Variants in CNTNAP2 observed in about 807,000 individuals in gnomAD.
CNTNAP2 encodes contactin-associated protein-like 2.
CNTNAP2 carries 98 observed loss-of-function variants against 155.2 expected under a neutral mutation model. The observed-to-expected ratio is 0.63, with a 90% confidence interval of 0.54 to 0.75. CNTNAP2 has a LOEUF of 0.75. CNTNAP2 is among the 30% of genes least tolerant of loss of function. The pLI is 0.00. For missense variants in CNTNAP2, 1,727 were observed against 1,688.1 expected (o/e 1.02, Z -0.40); for synonymous variants, 651 against 631.2 (o/e 1.03, Z -0.47).
At chr7:146,989,793 C>A (rs1332475963) in intron 3 of CNTNAP2, among the ~76,000 whole-genome samples, 1 of 152,056 alleles carries the variant, frequency 6.6e-6, no homozygotes, top group Non-Finnish European at 1.5e-5. Flanking sequence ...CGTTGGCTCT[C>A]CATTGGCAAC....
chr7:147,593,432 G>GT (rs1800776022), intron 12 of CNTNAP2, among the ~76,000 whole-genome samples: 1 of 151,872 alleles, frequency 6.6e-6, no homozygotes, highest in Non-Finnish European at 1.5e-5. Flanking sequence ...ACATGGCTCT[G>GT]TTATTAATTT....
At chr7:147,961,462 C>G (rs1222447257) in intron 14 of CNTNAP2, among the ~76,000 whole-genome samples, 1 of 152,174 alleles carries the variant, frequency 6.6e-6, no homozygotes, top group Non-Finnish European at 1.5e-5. Context: ...CTATTTCACA[C>G]CACTGAGTTA....
chr7:146,791,342 G>T (rs1269113001), intron 2 of CNTNAP2, among the ~76,000 whole-genome samples: 1 of 152,320 alleles, frequency 6.6e-6, no homozygotes, highest in Middle Eastern at 3.4e-3. Context: ...GTCTATCAGT[G>T]ATGGGCATTT....
chr7:148,333,166 C>A, intron 21 of CNTNAP2, among the ~76,000 whole-genome samples: 1 of 152,080 alleles, frequency 6.6e-6, no homozygotes, highest in African/African-American at 2.4e-5. Context: ...GGTGGCTCAC[C>A]CCCGTAATCC....
At chr7:147,745,905 A>T (rs1387784585) in intron 13 of CNTNAP2, among the ~76,000 whole-genome samples, 1 of 152,230 alleles carries the variant, frequency 6.6e-6, no homozygotes, top group African/African-American at 2.4e-5. Flanking sequence ...AGGAATCTTT[A>T]AAATCTATAG....
chr7:146,720,751 T>C (rs1355506506), intron 1 of CNTNAP2, among the ~76,000 whole-genome samples: 1 of 151,590 alleles, frequency 6.6e-6, no homozygotes, highest in Non-Finnish European at 1.5e-5. Flanking sequence ...TCTTATGATG[T>C]GTTAATAAAC....
chr7:147,157,539 C>T (rs1386108092), intron 8 of CNTNAP2, among the ~76,000 whole-genome samples: 7 of 152,136 alleles, frequency 4.6e-5, no homozygotes, highest in Non-Finnish European at 7.4e-5. Context: ...GTAGTCAAGG[C>T]TCACCTTTAT....
chr7:146,130,011 T>C (rs916518375), intron 1 of CNTNAP2, among the ~76,000 whole-genome samples: 2 of 152,182 alleles, frequency 1.3e-5, no homozygotes, highest in Admixed American at 6.6e-5. Flanking sequence ...AATTCCAACA[T>C]TGGCCAAGTT....
At chr7:146,693,124 A>G (rs191830311) in intron 1 of CNTNAP2, among the ~76,000 whole-genome samples, 1 of 152,092 alleles carries the variant, frequency 6.6e-6, no homozygotes, top group African/African-American at 2.4e-5. Context: ...GACGATACCT[A>G]CTTCAAAAGA....
intron 1 of CNTNAP2, among the ~76,000 whole-genome samples, chr7:146,152,489 C>G (rs1335668848): frequency 6.6e-6 from 1 of 151,908 alleles, no homozygotes; most frequent in African/African-American, 2.4e-5. Context: ...ATATTGCATT[C>G]TTGAAAAATG....
At chr7:147,607,269 C>CA (rs60869667) in intron 12 of CNTNAP2, among the ~76,000 whole-genome samples, 1 of 151,562 alleles carries the variant, frequency 6.6e-6, no homozygotes, top group Admixed American at 6.6e-5. Flanking sequence ...GGTCAAGAAA[C>CA]GGGACAGAAG....
chr7:147,607,779 C>T lies in CNTNAP2; in HGVS notation c.1898-31327C>T, dbSNP rs77353622. ...GAAAGAGCATAATCTCTCAGGTTAG[C>T]CTGGTACAACTTAAGTTTAAACTAA... On this transcript the variant is annotated intron_variant, in intron 12 of 23. Coordinates refer to ENST00000361727, the MANE Select transcript of CNTNAP2 (RefSeq NM_014141.6). 5.9e-3 allele frequency among the ~76,000 whole-genome samples: 897 copies of T among 152,180 alleles called. 9 individuals are homozygous for T. Among genetic ancestry groups the T allele is most frequent in the African/African-American group, 0.02 (849 of 41,502 alleles).
intron 15 of CNTNAP2, among the ~76,000 whole-genome samples, chr7:147,982,642 T>A (rs373613159): frequency 1.3e-5 from 2 of 152,224 alleles, no homozygotes; most frequent in Non-Finnish European, 2.9e-5. Flanking sequence ...TTATTTTATG[T>A]GCCAGACTAA....
chr7:148,335,708 A>C (rs1798104826), intron 21 of CNTNAP2, among the ~76,000 whole-genome samples: 1 of 152,180 alleles, frequency 6.6e-6, no homozygotes, highest in Admixed American at 6.5e-5. Context: ...CTGCCTCCTA[A>C]TACATTTCAT....
chr7:146,910,721 T>A (rs1186067891), intron 3 of CNTNAP2, among the ~76,000 whole-genome samples: 3 of 149,508 alleles, frequency 2.0e-5, no homozygotes, highest in South Asian at 4.2e-4. Context: ...AACCTAGGCA[T>A]TACCATTCAG....
At chr7:146,461,885 A>G (rs1563093170) in intron 1 of CNTNAP2, among the ~76,000 whole-genome samples, 2 of 152,244 alleles carry the variant, frequency 1.3e-5, no homozygotes. Context: ...ATGTCAATGT[A>G]AACTGTCACT....
At chr7:146,338,740 A>AT (rs1801322598) in intron 1 of CNTNAP2, among the ~76,000 whole-genome samples, 1 of 151,618 alleles carries the variant, frequency 6.6e-6, no homozygotes, top group Non-Finnish European at 1.5e-5. Context: ...CTTTTTTTTT[A>AT]TTTTTCTTTT....
chr7:146,530,180 C>T (rs1584965980), intron 1 of CNTNAP2, among the ~76,000 whole-genome samples: 2 of 152,190 alleles, frequency 1.3e-5, no homozygotes, highest in South Asian at 4.2e-4. Flanking sequence ...TAGCCATATG[C>T]AGAAAATTGA....
intron 1 of CNTNAP2, among the ~76,000 whole-genome samples, chr7:146,267,547 T>G (rs188754411): frequency 2.4e-4 from 36 of 152,278 alleles, no homozygotes; most frequent in African/African-American, 8.4e-4. Flanking sequence ...GTGGAGCTAT[T>G]GGGAGGTGAT....
Sources: gnomAD v4.1 joint callset for allele counts (sites outside exome capture counted in the v4.1 genomes callset) on GRCh38, gnomAD v4.1.1 for gene constraint, MANE v1.5 for transcripts, NCBI Gene and HGNC (gene_info 2026-07-23, HGNC 2026-07-21) for gene names.